The following GRK4 variants were observed in gnomAD, a reference collection of about 807,000 sequenced individuals.
GRK4 encodes the protein G protein-coupled receptor kinase 2-like.
GRK4 carries 73 observed loss-of-function variants against 77.9 expected under a neutral mutation model. That is an observed-to-expected ratio of 0.94 (90% CI 0.78 to 1.14). The LOEUF (loss-of-function observed/expected upper bound fraction) is 1.14, where lower values mean the gene tolerates loss of function less well. Ranked by LOEUF, GRK4 falls within the 50% of genes most tolerant of loss-of-function variation. The pLI, the probability that GRK4 is intolerant of heterozygous loss-of-function variation, is 0.00. For synonymous variants in GRK4, 257 were observed against 254.4 expected, an observed-to-expected ratio of 1.01 and a Z score of -0.10; for missense variants, 729 against 700.2, an observed-to-expected ratio of 1.04 and a Z score of -0.46.
At chr4:3,009,086 ATAAT>A (rs1354158887) in intron 6 of GRK4, among the ~76,000 whole-genome samples, 12 of 152,114 alleles carry the variant, frequency 7.9e-5, no homozygotes, top group Admixed American at 7.9e-4. Context: ...GTTAGTGAGG[ATAAT>A]TAGACTGTTC....
chr4:3,037,382 C>A lies in GRK4; in HGVS notation c.1416C>A (p.Ala472=), dbSNP rs745433571. The change falls in exon 14 of 16, where the codon GCC becomes GCA. Residue 472 remains alanine (A), a synonymous_variant. Transcript: ENST00000398052. ...CTGTTCTTGCTACACAGCCTCATGC[C>A]GTTTACTGTAAGGACGTCCTGGATA... ...LEPPFCPDPH[A]VYCKDVLDIE... 1 of 1,597,568 alleles carries A rather than the reference C, an allele frequency of 6.3e-7. No individual in the cohort carries two copies. The highest frequency in any genetic ancestry group is 1.7e-5 in the Admixed American group (1 of 59,638).
At chr4:2,994,125 T>C (rs1474885550) in intron 4 of GRK4, among the ~76,000 whole-genome samples, 1 of 152,230 alleles carries the variant, frequency 6.6e-6, no homozygotes, top group African/African-American at 2.4e-5. Flanking sequence ...ACACAGCTGT[T>C]ACAACATGAG....
chr4:3,039,343 T>A (rs1284157119), intron 15 of GRK4, among the ~76,000 whole-genome samples: 1 of 152,166 alleles, frequency 6.6e-6, no homozygotes, highest in Non-Finnish European at 1.5e-5. Context: ...TTGCACCCTG[T>A]GTGTTCCCAG....
chr4:3,005,228 A>G (rs1005240065), intron 5 of GRK4, among the ~76,000 whole-genome samples: 2 of 151,970 alleles, frequency 1.3e-5, no homozygotes, highest in African/African-American at 4.8e-5. Context: ...ATGCATGCAG[A>G]CAGTCACTCA....
At chr4:2,971,707 A>C (rs1560344638) in intron 1 of GRK4, among the ~76,000 whole-genome samples, 2 of 152,178 alleles carry the variant, frequency 1.3e-5, no homozygotes, top group African/African-American at 4.8e-5. Flanking sequence ...CCGGAGTGCA[A>C]AATCAAGTTG....
intron 1 of GRK4, 138 bp from the exon 2 acceptor site, chr4:2,984,375 T>C: frequency 2.0e-6 from 1 of 488,102 alleles, no homozygotes; most frequent in South Asian, 2.9e-5. Flanking sequence ...AGACAAATTA[T>C]TATAAGCATG....
At chr4:3,012,648 T>C (rs1733228300) in intron 7 of GRK4, among the ~76,000 whole-genome samples, 1 of 152,190 alleles carries the variant, frequency 6.6e-6, no homozygotes, top group African/African-American at 2.4e-5. Context: ...CTAATGTTGA[T>C]GACACAGAGG....
chr4:3,029,251 G>A lies in GRK4; in HGVS notation c.1111G>A (p.Gly371Arg). The A allele has an allele frequency of 6.2e-7, 1 of 1,614,130 alleles. No homozygotes were observed. ...GTATACGTTTAGTCCCGATTGGTGG[G>A]GACTTGGCTGTCTGATCTATGAAAT... The part of the protein sequence containing the change: ...EKYTFSPDWW[G>R]LGCLIYEMIQ... The change falls in exon 12 of 16, where the codon GGA (glycine) becomes AGA (arginine). Residue 371 changes from glycine to arginine, a missense_variant. Transcript: ENST00000398052.
rs530941467 is a variant in GRK4, at chr4:3,033,711, T to C, written c.1270-1675T>C. Among the ~76,000 whole-genome samples, 277 of 152,256 alleles carry C rather than the reference T, an allele frequency of 1.8e-3. 2 individuals carry two copies. The highest frequency in any genetic ancestry group is 3.7e-3 in the Admixed American group (56 of 15,298). ...AAGGGATTCTCCTGCCTCAGGCTCC[T>C]GAGTAGCTGGGACTACAGGCATCTG... On this transcript the variant is annotated intron_variant, in intron 12 of 15. Transcript: ENST00000398052.
At chr4:3,014,184 T>C (rs934335641) in intron 8 of GRK4, among the ~76,000 whole-genome samples, 1 of 152,054 alleles carries the variant, frequency 6.6e-6, no homozygotes, top group Non-Finnish European at 1.5e-5. Flanking sequence ...CTTTCCCTTA[T>C]CACAGCCAGC....
chr4:2,965,576 G>A (rs974620971), intron 1 of GRK4: 6 of 651,380 alleles, frequency 9.2e-6, no homozygotes, highest in South Asian at 5.2e-5. Flanking sequence ...CGAAGGTGGC[G>A]GCCACGCTTG....
At position 3,037,453 on chromosome 4, in the gene GRK4, A is replaced by C; in HGVS notation, c.1487A>C (p.Asp496Ala). ...AAAGGGATCTACCTGGACACCGCAGATGAAGACTTCTATGCTCGGTTTGCT... is the reference window on the plus strand; with the variant it reads ...AAAGGGATCTACCTGGACACCGCAGCTGAAGACTTCTATGCTCGGTTTGCT... ...VVKGIYLDTA[D>A]EDFYARFATG... Residue 496 changes from aspartate (D) to alanine (A), a missense_variant, in exon 14 of 16, where the codon GAT becomes GCT. Physicochemically the swap from Asp to Ala is moderately radical, Grantham distance 126. Transcript: ENST00000398052. The C allele has an allele frequency of 6.2e-7, 1 of 1,612,316 alleles. No individual in the cohort carries two copies. The highest frequency in any genetic ancestry group is 8.5e-7 in the Non-Finnish European group (1 of 1,178,552).
chr4:2,971,185 G>A (rs1310335887), intron 1 of GRK4: 1 of 152,164 alleles, frequency 6.6e-6, no homozygotes, highest in Non-Finnish European at 1.5e-5. Flanking sequence ...TGGTCATAAA[G>A]ACTAATTTGG....
intron 8 of GRK4, among the ~76,000 whole-genome samples, chr4:3,015,912 ATTTTT>A (rs60758953): frequency 1.4e-5 from 2 of 139,814 alleles, no homozygotes; most frequent in Non-Finnish European, 1.6e-5. Context: ...CCATCACCCT[ATTTTT>A]TTTTTTTTTG....
At chr4:3,031,455 T>C (rs1010290) in intron 12 of GRK4, among the ~76,000 whole-genome samples, 102,660 of 152,046 alleles carry the variant, frequency 0.68, 35,795 homozygotes, top group African/African-American at 0.86. Context: ...ACCTGGACGG[T>C]GCAGGCTCAG....
At chr4:2,991,814 G>A (rs1365986436) in intron 3 of GRK4, among the ~76,000 whole-genome samples, 1 of 152,062 alleles carries the variant, frequency 6.6e-6, no homozygotes, top group Non-Finnish European at 1.5e-5. Context: ...TCCCGGCCCT[G>A]AGATATCTTT....
intron 12 of GRK4, among the ~76,000 whole-genome samples, chr4:3,030,413 T>A (rs1434945708): frequency 6.6e-6 from 1 of 152,196 alleles, no homozygotes; most frequent in East Asian, 1.9e-4. Flanking sequence ...CAGTATTTTT[T>A]TAGCACATTT....
intron 1 of GRK4, among the ~76,000 whole-genome samples, chr4:2,982,397 T>C (rs886273455): frequency 2.8e-4 from 43 of 152,234 alleles, no homozygotes; most frequent in African/African-American, 1.0e-3. Context: ...TTCTTGCTAG[T>C]TACTTGAGTA....
intron 12 of GRK4, among the ~76,000 whole-genome samples, 174 bp from the exon 13 acceptor site, chr4:3,035,212 T>TC (rs1209368289): frequency 6.6e-6 from 1 of 151,704 alleles, no homozygotes. Context: ...ACCACTGCAC[T>TC]CCAGCCTGGG....
Sources: gnomAD v4.1 joint callset for allele counts (sites outside exome capture counted in the v4.1 genomes callset) on GRCh38, gnomAD v4.1.1 for gene constraint, MANE v1.5 for transcripts, NCBI Gene and HGNC (gene_info 2026-07-23, HGNC 2026-07-21) for gene names.